TTC6: variants seen among roughly 807,000 people sequenced by gnomAD.
The protein encoded by TTC6 is tetratricopeptide repeat domain 6, also known as tetratricopeptide repeat protein 6.
In TTC6, 172 loss-of-function variants were observed where a neutral mutation model predicts 210.4. The observed-to-expected ratio is 0.82, with a 90% CI of 0.72 to 0.93. TTC6 has a LOEUF of 0.93. TTC6 is among the 40% of genes least tolerant of loss of function. TTC6 has a pLI of 0.00. For synonymous variants in TTC6, 804 were observed against 819.6 expected (o/e 0.98, Z 0.32); for missense variants, 2,414 against 2,318.1 (o/e 1.04, Z -0.85).
chr14:37,780,428 G>T (rs778152822), intron 14 of TTC6, among the ~76,000 whole-genome samples: 4 of 152,098 alleles, frequency 2.6e-5, no homozygotes, highest in African/African-American at 7.2e-5. Flanking sequence ...AGGCCCCAGT[G>T]TGTGTTGTTC....
At chr14:37,796,140 T>C (rs1178438948) in intron 18 of TTC6, among the ~76,000 whole-genome samples, 154 bp from the exon 21 acceptor site, 6 of 152,034 alleles carry the variant, frequency 3.9e-5, no homozygotes, top group Admixed American at 3.3e-4. Flanking sequence ...TATATTTAGT[T>C]TATATAAAAT....
At chr14:37,678,415 AG>A (rs985858920) in intron 1 of TTC6, among the ~76,000 whole-genome samples, 2 of 152,090 alleles carry the variant, frequency 1.3e-5, no homozygotes, top group African/African-American at 4.8e-5. Context: ...TTCTTTGTCT[AG>A]CCTCATGGGT....
intron 10 of TTC6, among the ~76,000 whole-genome samples, chr14:37,746,881 G>A (rs2095937682): frequency 6.6e-6 from 1 of 152,086 alleles, no homozygotes; most frequent in Admixed American, 6.6e-5. Flanking sequence ...GAAGATAAGT[G>A]GAATTTGAAG....
At chr14:37,720,800 G>A (rs1173315789) in intron 6 of TTC6, among the ~76,000 whole-genome samples, 1 of 152,014 alleles carries the variant, frequency 6.6e-6, no homozygotes, top group East Asian at 1.9e-4. Context: ...TACAAATAAA[G>A]AATAGAATAG....
intron 14 of TTC6, among the ~76,000 whole-genome samples, chr14:37,774,867 T>C (rs566716704): frequency 1.1e-3 from 165 of 152,330 alleles, no homozygotes; most frequent in African/African-American, 3.8e-3. Context: ...TCTCTGGTTC[T>C]GGGCTTTTTC....
At chr14:37,752,010 A>G (rs2095953763) in intron 13 of TTC6, among the ~76,000 whole-genome samples, 1 of 151,834 alleles carries the variant, frequency 6.6e-6, no homozygotes, top group Admixed American at 6.6e-5. Flanking sequence ...TATTTTTAGT[A>G]GAGATGGGGT....
At chr14:37,804,213 C>G (rs1485386356) in intron 20 of TTC6, among the ~76,000 whole-genome samples, 1 of 151,818 alleles carries the variant, frequency 6.6e-6, no homozygotes, top group Admixed American at 6.6e-5. Context: ...CCAATAAAAC[C>G]CTATTAGGAG....
Position 37,738,762 on chromosome 14 carries a change from G to T in TTC6, c.1984-14G>T, listed in dbSNP as rs1424433867. On this transcript the variant is annotated splice_polypyrimidine_tract_variant and intron_variant, in intron 9 of 30. Transcript: ENST00000553443. Reference sequence around the variant, plus strand: ...GATTTTACGTTTTTTCTACCTCTTTGCTTGCTTACTAAGCGAGTAAAATCT... The same window carrying T: ...GATTTTACGTTTTTTCTACCTCTTTTCTTGCTTACTAAGCGAGTAAAATCT... The T allele has an allele frequency of 6.9e-7, 1 of 1,442,524 alleles. No individual in the cohort carries two copies. Among genetic ancestry groups the T allele is most frequent in the Non-Finnish European group, 9.1e-7 (1 of 1,104,384 alleles). 89.4% of individuals were successfully genotyped at this position (1,442,524 alleles called of 1,614,324 possible).
At chr14:37,728,015 T>G (rs2095877149) in intron 7 of TTC6, among the ~76,000 whole-genome samples, 1 of 152,204 alleles carries the variant, frequency 6.6e-6, no homozygotes, top group Admixed American at 6.5e-5. Context: ...TCAGATGGTC[T>G]TGAATCTGAA....
In TTC6 at chr14:37,782,873, C is replaced by G. The variant is rs569751527; in HGVS notation, c.3267-4595C>G. Among the ~76,000 whole-genome samples the G allele has an allele frequency of 1.0e-3, 156 of 152,264 alleles. 1 individual carries two copies. Among genetic ancestry groups the G allele is most frequent in the African/African-American group, 3.5e-3 (145 of 41,528 alleles). On this transcript the variant is annotated intron_variant, in intron 14 of 30. Transcript: ENST00000553443. ...ATTTTGTCAAAGGCCTTTTCTGCAT[C>G]TATTGAGATAATCATGTGGTTTTTG...
intron 10 of TTC6, among the ~76,000 whole-genome samples, chr14:37,748,046 C>T (rs79870584): frequency 0.041 from 6,163 of 151,966 alleles, 267 homozygotes; most frequent in African/African-American, 0.11. Flanking sequence ...ATTTGTAAAA[C>T]AAAAAACAAA....
At chr14:37,700,750 CAAAA>C (rs35091344) in intron 4 of TTC6, among the ~76,000 whole-genome samples, 34 of 62,276 alleles carry the variant, frequency 5.5e-4, no homozygotes, top group Admixed American at 2.5e-3. Context: ...CTCCATCTCA[CAAAA>C]AAAAAAAAAA....
At chr14:37,816,290 A>T (rs935295634) in intron 25 of TTC6, among the ~76,000 whole-genome samples, 6 of 152,144 alleles carry the variant, frequency 3.9e-5, no homozygotes, top group Non-Finnish European at 8.8e-5. Flanking sequence ...CACCCCCAAT[A>T]ACAGCAGAAA....
intron 22 of TTC6, 25 bp from the exon 25 acceptor site, chr14:37,807,295 G>T: frequency 6.7e-7 from 1 of 1,485,848 alleles, no homozygotes; most frequent in Non-Finnish European, 9.0e-7. Flanking sequence ...ATCCATTCCT[G>T]CTTTCTCTCT....
chr14:37,752,149 G>A (rs543473554), intron 13 of TTC6, among the ~76,000 whole-genome samples: 29 of 152,032 alleles, frequency 1.9e-4, no homozygotes, highest in Admixed American at 1.3e-3. Context: ...TAACTGAACC[G>A]TAGTCAAGGC....
chr14:37,817,728 C>A, intron 26 of TTC6, 77 bp downstream of exon 28: 1 of 1,390,348 alleles, frequency 7.2e-7, no homozygotes, highest in Non-Finnish European at 1.0e-6. Context: ...CATAAACAAG[C>A]CAGGAGAGAA....
intron 1 of TTC6, among the ~76,000 whole-genome samples, chr14:37,669,624 A>G (rs2095754646): frequency 6.6e-6 from 1 of 152,144 alleles, no homozygotes; most frequent in Admixed American, 6.6e-5. Flanking sequence ...GGCTGTGACT[A>G]CCTTAGTGAT....
intron 17 of TTC6, 79 bp downstream of exon 19, chr14:37,792,493 A>G (rs2096082285): frequency 3.3e-6 from 4 of 1,197,350 alleles, no homozygotes; most frequent in Admixed American, 3.5e-5. Flanking sequence ...ATTTTAATAT[A>G]TATACATATT....
At chr14:37,750,954 AT>A (rs2095950061) in intron 12 of TTC6, 98 bp from the exon 15 acceptor site, 2 of 668,380 alleles carry the variant, frequency 3.0e-6, no homozygotes, top group Non-Finnish European at 4.6e-6. Context: ...GAGAAAAATT[AT>A]TTTGACTACA....
Sources: gnomAD v4.1 joint callset for allele counts (sites outside exome capture counted in the v4.1 genomes callset) on GRCh38, gnomAD v4.1.1 for gene constraint, MANE v1.5 for transcripts, NCBI Gene and HGNC (gene_info 2026-07-23, HGNC 2026-07-21) for gene names.